The following DDX3Y variants were observed in gnomAD, a reference collection of about 807,000 sequenced individuals.
DDX3Y encodes DEAD-box helicase 3 Y-linked.
In DDX3Y, 2 loss-of-function variants were observed where a neutral mutation model predicts 15.1. The observed-to-expected ratio is 0.13, with a 90% CI of 0.05 to 0.42. The LOEUF is 0.42. Among genes scored for constraint, DDX3Y ranks in the 10% least tolerant of loss-of-function variants. DDX3Y has a pLI of 0.99. For synonymous variants in DDX3Y, 47 were observed against 45.0 expected (o/e 1.04, Z -0.18); for missense variants, 81 against 149.9 (o/e 0.54, Z 2.40).
At chrY:12,914,088 G>A in intron 7 of DDX3Y, among the ~76,000 whole-genome samples, 2 of 34,124 alleles carry the variant, frequency 5.9e-5, no homozygotes, top group Admixed American at 5.3e-4. Context: ...ATAGAACTGC[G>A]TATTTTACAG....
At chrY:12,913,685 G>A in intron 6 of DDX3Y, 33 bp from the exon 7 acceptor site, 1 of 387,375 alleles carries the variant, frequency 2.6e-6, no homozygotes, top group Non-Finnish European at 3.6e-6. Context: ...GTATTTACTT[G>A]TATTTGATTA....
chrY:12,909,411 C>T lies in DDX3Y; in HGVS notation c.151+4C>T, dbSNP rs1224821716. ...AGGAACAGAGAAGCATCTAAAGGTA[C>T]GTCTTTAAGGCAACTTTGTAGACCT... On this transcript the variant is annotated splice_donor_region_variant and intron_variant, in intron 3 of 16. Transcript: ENST00000336079. 2.3e-5 allele frequency: 9 copies of T among 390,061 alleles called. No individual in the cohort carries two copies. The East Asian group carries it at 8.4e-4, about 37-fold the overall frequency.
At chrY:12,911,050 A>G in intron 3 of DDX3Y, among the ~76,000 whole-genome samples, 2 of 31,678 alleles carry the variant, frequency 6.3e-5, no homozygotes, top group Non-Finnish European at 1.5e-4. Context: ...AGCTGGGACT[A>G]CATAGGTGCC....
At chrY:12,907,712 T>C (rs2053616031) in intron 2 of DDX3Y, 118 bp downstream of exon 2, 1 of 117,693 alleles carries the variant, frequency 8.5e-6, no homozygotes, top group South Asian at 1.1e-4. Flanking sequence ...TATGAAAATA[T>C]GAGATATTTT....
At chrY:12,912,698 G>A (rs1382584509) in intron 4 of DDX3Y, 29 bp from the exon 5 acceptor site, 4 of 396,414 alleles carry the variant, frequency 1.0e-5, no homozygotes, top group Admixed American at 7.5e-5. Context: ...GGGCTAAATC[G>A]TGTACTTCTG....
intron 10 of DDX3Y, 109 bp from the exon 11 acceptor site, chrY:12,915,521 A>G (rs368682405): frequency 2.6e-3 from 593 of 227,639 alleles, no homozygotes; most frequent in South Asian, 6.0e-3. Context: ...TGACACTGCA[A>G]TAGTTACTAC....
Position 12,912,753 on chromosome Y carries a change from A to G in DDX3Y, c.308A>G (p.Tyr103Cys). ...GRFDDRGRSD[Y>C]DGIGNRERPG... ...TTTGATGATCGTGGACGGAGTGACT[A>G]TGATGGTATTGGCAATCGTGAAAGA... Residue 103 changes from tyrosine to cysteine, a missense_variant, in exon 5 of 17, where the codon TAT (tyrosine) becomes TGT (cysteine). Coordinates refer to ENST00000336079, the MANE Select transcript of DDX3Y (RefSeq NM_004660.5). The G allele has an allele frequency of 5.0e-6, 2 of 398,608 alleles. No individual in the cohort carries two copies. The highest frequency in any genetic ancestry group is 7.1e-6 in the Non-Finnish European group (2 of 283,442).
chrY:12,911,431 G>T (rs2053627692), intron 3 of DDX3Y, among the ~76,000 whole-genome samples: 1 of 33,552 alleles, frequency 3.0e-5, no homozygotes, highest in South Asian at 6.5e-4. Flanking sequence ...GCTTGCACTA[G>T]CTACAAGTTC....
Position 12,919,142 on chromosome Y carries a change from G to T in DDX3Y, c.*1020G>T. ...ATTGTGCAGCAGGCTTTAATTTAAT[G>T]TAGATTCATACTGCTCTGTTAAAGC... On this transcript the variant is annotated 3_prime_UTR_variant, in exon 17 of 17. Transcript: ENST00000336079. 8.0e-4 allele frequency: 27 copies of T among 33,649 alleles called. No homozygotes were observed. Among genetic ancestry groups the T allele is most frequent in the Admixed American group, 7.3e-3 (27 of 3,681 alleles). The allele number at this position is 33,649 out of a possible 400,897, so 8.4% of individuals were successfully genotyped here.
intron 3 of DDX3Y, among the ~76,000 whole-genome samples, chrY:12,911,515 G>A: frequency 3.0e-5 from 1 of 33,232 alleles, no homozygotes; most frequent in Non-Finnish European, 7.4e-5. Flanking sequence ...TAATTTAATT[G>A]GAGTAGGTTT....
chrY:12,905,889 C>T (rs1262260301), intron 1 of DDX3Y: 1 of 179,854 alleles, frequency 5.6e-6, no homozygotes, highest in South Asian at 3.8e-5. Flanking sequence ...GAGAGCTGTG[C>T]GGTTTTTATA....
intron 2 of DDX3Y, among the ~76,000 whole-genome samples, chrY:12,907,938 CAAAA>C (rs2053616876): frequency 3.0e-5 from 1 of 33,710 alleles, no homozygotes; most frequent in Non-Finnish European, 7.4e-5. Flanking sequence ...AAAAACAAAA[CAAAA>C]AACCAAGAAC....
At chrY:12,904,154 C>G, upstream of DDX3Y, 1 of 33,968 alleles carries the variant, frequency 2.9e-5, no homozygotes, top group Non-Finnish European at 7.4e-5. Flanking sequence ...CTAACCCTGT[C>G]AAGTCTGTCG....
intron 3 of DDX3Y, among the ~76,000 whole-genome samples, chrY:12,910,396 T>TAA (rs2053623998): frequency 3.0e-5 from 1 of 33,673 alleles, no homozygotes; most frequent in Non-Finnish European, 7.4e-5. Flanking sequence ...GAAAATAACT[T>TAA]TATTAACTTG....
intron 16 of DDX3Y, 38 bp from the exon 17 acceptor site, chrY:12,918,005 G>A (rs761134559): frequency 9.4e-6 from 3 of 319,284 alleles, no homozygotes; most frequent in South Asian, 3.3e-5. Flanking sequence ...AGGTATTAAC[G>A]AATGACTTAA....
intron 3 of DDX3Y, among the ~76,000 whole-genome samples, chrY:12,910,079 C>G: frequency 3.0e-5 from 1 of 33,026 alleles, no homozygotes; most frequent in Admixed American, 2.7e-4. Flanking sequence ...GTTTGTATTT[C>G]TATGTTTAGT....
chrY:12,908,679 A>G (rs2053618676), intron 2 of DDX3Y, among the ~76,000 whole-genome samples: 1 of 33,748 alleles, frequency 3.0e-5, no homozygotes, highest in Non-Finnish European at 7.4e-5. Context: ...ATCTACCAGT[A>G]CAGAATTTTT....
intron 2 of DDX3Y, among the ~76,000 whole-genome samples, chrY:12,908,759 C>T: frequency 3.0e-5 from 1 of 33,533 alleles, no homozygotes; most frequent in Non-Finnish European, 7.5e-5. Flanking sequence ...CTCGGCTCAC[C>T]CCAAGCTCCC....
chrY:12,910,819 G>A (rs2053625030), intron 3 of DDX3Y, among the ~76,000 whole-genome samples: 1 of 33,008 alleles, frequency 3.0e-5, no homozygotes, highest in South Asian at 6.6e-4. Context: ...TTCATTGAAT[G>A]AGTCCTTGTT....
Sources: gnomAD v4.1 joint callset for allele counts (sites outside exome capture counted in the v4.1 genomes callset) on GRCh38, gnomAD v4.1.1 for gene constraint, MANE v1.5 for transcripts, NCBI Gene and HGNC (gene_info 2026-07-23, HGNC 2026-07-21) for gene names.